PCDHA3: variants seen among roughly 807,000 people sequenced by gnomAD.
The protein encoded by PCDHA3 is protocadherin alpha-3.
In PCDHA3, 41 loss-of-function variants were observed where a neutral mutation model predicts 62.2. That is an observed-to-expected ratio of 0.66 (90% CI 0.51 to 0.86). The LOEUF (loss-of-function observed/expected upper bound fraction) is 0.86. Ranked by LOEUF, PCDHA3 falls within the 40% of genes least tolerant of loss-of-function variation. The probability of loss-of-function intolerance (pLI) is 0.00; values close to 1 mark genes in which losing one functional copy is unlikely to be tolerated. For synonymous variants in PCDHA3, 640 were observed against 555.4 expected (o/e 1.15, Z -2.14); for missense variants, 1,304 against 1,241.2 (o/e 1.05, Z -0.76).
chr5:140,885,430 A>T (rs1216159578), intron 1 of PCDHA3, among the ~76,000 whole-genome samples: 2 of 152,132 alleles, frequency 1.3e-5, no homozygotes, highest in African/African-American at 4.8e-5. Context: ...CCACAGTGTA[A>T]GTGTGCAATT....
chr5:140,965,029 A>G (rs1252337885), intron 1 of PCDHA3, among the ~76,000 whole-genome samples: 2 of 152,178 alleles, frequency 1.3e-5, no homozygotes, highest in Non-Finnish European at 2.9e-5. Context: ...GGCTCCTTTA[A>G]CTGTCCGCTC....
chr5:140,871,522 A>T, intron 1 of PCDHA3: 1 of 1,549,186 alleles, frequency 6.5e-7, no homozygotes, highest in Non-Finnish European at 8.7e-7. Flanking sequence ...TCCACCTATC[A>T]GGAAGTGTAT....
rs189370080 is a variant in PCDHA3 at position 140,877,740 on chromosome 5, G to C, written c.2394+74149G>C. 2.8e-3 allele frequency: 4,494 copies of C among 1,614,198 alleles called. 21 individuals carry two copies. Among genetic ancestry groups the C allele is most frequent in the African/African-American group, 0.01 (782 of 75,064 alleles). On this transcript the variant is annotated intron_variant, in intron 1 of 3. Transcript: ENST00000522353. ...GGTCTTACTCGCAGCAGAGGAGGCA[G>C]AGGGTGTGCTCTGCAGAGAGCCCGC...
chr5:140,906,262 A>AAT (rs2072503500), intron 1 of PCDHA3, among the ~76,000 whole-genome samples: 2 of 152,306 alleles, frequency 1.3e-5, no homozygotes, highest in African/African-American at 4.8e-5. Flanking sequence ...CACCTCCTGA[A>AAT]ATTATAGATA....
chr5:140,828,238 G>T (rs782682272), intron 1 of PCDHA3: 6 of 1,613,818 alleles, frequency 3.7e-6, no homozygotes, highest in African/African-American at 2.7e-5. Flanking sequence ...GCCGGATCGC[G>T]CAGGACCTGG....
chr5:140,809,090 C>A, intron 1 of PCDHA3: 1 of 1,613,952 alleles, frequency 6.2e-7, no homozygotes, highest in Non-Finnish European at 8.5e-7. Flanking sequence ...CAGCACAACG[C>A]GTGCCCTGGA....
chr5:140,814,430 T>C (rs1433195135), intron 1 of PCDHA3: 3 of 151,644 alleles, frequency 2.0e-5, no homozygotes, highest in African/African-American at 7.3e-5. Context: ...CCTGAGGCTG[T>C]TTTGTGGTGA....
At chr5:140,813,628 C>T (rs1765347118) in intron 1 of PCDHA3, 1 of 151,940 alleles carries the variant, frequency 6.6e-6, no homozygotes, top group Admixed American at 6.6e-5. Context: ...ATGTGAAGGC[C>T]CAGGACATTA....
chr5:140,805,708 A>G (rs1009335887), intron 1 of PCDHA3: 2 of 633,596 alleles, frequency 3.2e-6, no homozygotes, highest in Non-Finnish European at 3.9e-6. Context: ...GAATTAGAAT[A>G]AAAATTAAGC....
intron 3 of PCDHA3, among the ~76,000 whole-genome samples, chr5:141,000,385 CTCTCTCTCTCTATATA>C (rs1454405199): frequency 1.1e-4 from 7 of 64,984 alleles, no homozygotes; most frequent in African/African-American, 4.8e-4. Flanking sequence ...CTCTCTCTCT[CTCTCTCTCTCTATATA>C]TATATATATA....
intron 3 of PCDHA3, among the ~76,000 whole-genome samples, chr5:140,999,739 T>C (rs2097873545): frequency 6.6e-6 from 1 of 152,196 alleles, no homozygotes; most frequent in Admixed American, 6.5e-5. Flanking sequence ...AATGTTTGAA[T>C]CTGGGTTCGC....
intron 1 of PCDHA3, chr5:140,850,445 G>A: frequency 6.3e-7 from 1 of 1,597,998 alleles, no homozygotes; most frequent in Non-Finnish European, 8.6e-7. Context: ...TACTGGTGCT[G>A]GTGAAAGACC....
At chr5:140,998,099 CAGA>C (rs2097796305) in intron 3 of PCDHA3, among the ~76,000 whole-genome samples, 1 of 152,130 alleles carries the variant, frequency 6.6e-6, no homozygotes, top group African/African-American at 2.4e-5. Context: ...CTAGAGCAAA[CAGA>C]GGAGAAAATT....
intron 1 of PCDHA3, chr5:140,966,728 TCCG>T (rs1554228593): frequency 2.8e-6 from 4 of 1,404,870 alleles, no homozygotes; most frequent in Non-Finnish European, 3.7e-6. Flanking sequence ...AGCTGCCGCC[TCCG>T]GCCCTGCCCG....
In PCDHA3 at chr5:140,857,691, T is replaced by A. The variant is rs189067845; in HGVS notation, c.2394+54100T>A. ...GGCGTGCCGCCTCTGGGCAGCAACTTGACGCTGCAGGTGTTCGTGCTGGAC... is the reference window on the plus strand; with the variant it reads ...GGCGTGCCGCCTCTGGGCAGCAACTAGACGCTGCAGGTGTTCGTGCTGGAC... On this transcript the variant is annotated intron_variant, in intron 1 of 3. Coordinates refer to ENST00000522353, the MANE Select transcript of PCDHA3 (RefSeq NM_018906.3). 1.9e-6 allele frequency: 3 copies of A among 1,597,120 alleles called. 1 individual carries two copies. The highest frequency in any genetic ancestry group is 2.6e-6 in the Non-Finnish European group (3 of 1,167,726).
At chr5:140,942,434 T>C (rs2093297092) in intron 1 of PCDHA3, among the ~76,000 whole-genome samples, 1 of 151,244 alleles carries the variant, frequency 6.6e-6, no homozygotes, top group African/African-American at 2.4e-5. Flanking sequence ...TATCTAACAA[T>C]AAACAAGTAA....
chr5:140,950,855 T>C (rs2094525829), intron 1 of PCDHA3, among the ~76,000 whole-genome samples: 2 of 152,102 alleles, frequency 1.3e-5, no homozygotes, highest in African/African-American at 4.8e-5. Context: ...TTCTTTCATA[T>C]TCTTGTATAT....
In PCDHA3 at chr5:140,949,530, A is replaced by G. The variant is rs535959568; in HGVS notation, c.2395-29419A>G. Among the ~76,000 whole-genome samples, 8 of 151,972 alleles carry G rather than the reference A, an allele frequency of 5.3e-5. No homozygotes were observed. The South Asian group carries it at 1.7e-3, about 31-fold the overall frequency. On this transcript the variant is annotated intron_variant, in intron 1 of 3. Coordinates refer to ENST00000522353, the MANE Select transcript of PCDHA3 (RefSeq NM_018906.3). ...GATTTATTGATCCTTTTATCTTCATAAAATATCGATTTGTTGCTGGTCATA... is the reference window on the plus strand; with the variant it reads ...GATTTATTGATCCTTTTATCTTCATGAAATATCGATTTGTTGCTGGTCATA...
At chr5:140,892,624 A>C (rs1041078923) in intron 1 of PCDHA3, among the ~76,000 whole-genome samples, 28 of 152,166 alleles carry the variant, frequency 1.8e-4, no homozygotes, top group Non-Finnish European at 3.2e-4. Flanking sequence ...CAGTTGGTAC[A>C]TAATAATTGT....
Sources: gnomAD v4.1 joint callset for allele counts (sites outside exome capture counted in the v4.1 genomes callset) on GRCh38, gnomAD v4.1.1 for gene constraint, MANE v1.5 for transcripts, NCBI Gene and HGNC (gene_info 2026-07-23, HGNC 2026-07-21) for gene names.